KDM7A: variants seen among roughly 807,000 people sequenced by gnomAD.
The protein encoded by KDM7A is lysine-specific demethylase 7A.
Under a neutral mutation model 114.8 loss-of-function variants are expected in KDM7A, and 28 were observed. The ratio of observed to expected loss-of-function variants is 0.24; its 90% CI spans 0.18 to 0.33. The LOEUF (loss-of-function observed/expected upper bound fraction) is 0.33, where lower values mean the gene tolerates loss of function less well. Among genes scored for constraint, KDM7A ranks in the 10% least tolerant of loss-of-function variants. KDM7A has a pLI of 1.00. For synonymous variants in KDM7A, 423 were observed against 397.8 expected, an observed-to-expected ratio of 1.06 and a Z score of -0.75; for missense variants, 942 against 1,142.5, an observed-to-expected ratio of 0.82 and a Z score of 2.53.
intron 11 of KDM7A, among the ~76,000 whole-genome samples, chr7:140,109,453 A>G (rs1048936073): frequency 1.2e-4 from 18 of 152,206 alleles, no homozygotes; most frequent in Non-Finnish European, 2.6e-4. Context: ...CACTGTGAGT[A>G]TGTCCCACAC....
At chr7:140,149,185 T>C (rs1287532300) in intron 1 of KDM7A, among the ~76,000 whole-genome samples, 1 of 152,208 alleles carries the variant, frequency 6.6e-6, no homozygotes, top group Non-Finnish European at 1.5e-5. Flanking sequence ...AGCCAAGATG[T>C]GCACTCAGTG....
At chr7:140,116,656 G>A (rs987225392) in intron 9 of KDM7A, among the ~76,000 whole-genome samples, 1 of 152,120 alleles carries the variant, frequency 6.6e-6, no homozygotes, top group African/African-American at 2.4e-5. Context: ...GTGTGTGTAT[G>A]CAGTGCGTGT....
At position 140,088,176 on chromosome 7, in the gene KDM7A, T is replaced by C. The variant is rs554149679; in HGVS notation, c.*2918A>G. 128 of 225,300 alleles carry C rather than the reference T, an allele frequency of 5.7e-4. No homozygotes were observed. Among genetic ancestry groups the C allele is most frequent in the Non-Finnish European group, 9.2e-4 (107 of 116,650 alleles). The allele number at this position is 225,300 out of a possible 1,614,324, so 14.0% of individuals were successfully genotyped here. A position where few individuals can be genotyped will look rare whatever the true frequency, so the allele number is the denominator to read the frequency against. On this transcript the variant is annotated 3_prime_UTR_variant, in exon 20 of 20. Transcript: ENST00000397560. ...TTCAGTCAGAATCTTCAATTCTGTA[T>C]GCTTAAAAATGAACTGATACTTATG... is the stretch of plus-strand genomic sequence containing the variant.
chr7:140,122,797 C>T (rs1391402689), intron 7 of KDM7A, among the ~76,000 whole-genome samples: 1 of 152,198 alleles, frequency 6.6e-6, no homozygotes, highest in Non-Finnish European at 1.5e-5. Context: ...TCCTAACTGT[C>T]CTGGGACAGC....
chr7:140,131,809 CA>C (rs1818791309), intron 3 of KDM7A, among the ~76,000 whole-genome samples: 1 of 152,160 alleles, frequency 6.6e-6, no homozygotes, highest in African/African-American at 2.4e-5. Context: ...AATATAGGTA[CA>C]TTTTTTGCAA....
intron 8 of KDM7A, 49 bp downstream of exon 8, chr7:140,120,393 C>A: frequency 2.8e-6 from 3 of 1,067,642 alleles, no homozygotes; most frequent in South Asian, 2.7e-5. Flanking sequence ...AAAAAAGTAT[C>A]CTATTTTTAA....
chr7:140,108,314 C>T (rs1006122850), intron 11 of KDM7A, among the ~76,000 whole-genome samples: 13 of 152,148 alleles, frequency 8.5e-5, no homozygotes, highest in African/African-American at 1.7e-4. Flanking sequence ...AGCTTCGTTC[C>T]GTTGCTGACG....
chr7:140,166,856 A>G (rs1158225448), intron 1 of KDM7A, among the ~76,000 whole-genome samples: 1 of 152,238 alleles, frequency 6.6e-6, no homozygotes, highest in African/African-American at 2.4e-5. Context: ...CTCTATTTGT[A>G]TATTACATAT....
At chr7:140,100,711 C>CACATATAT (rs1562946051) in intron 12 of KDM7A, among the ~76,000 whole-genome samples, 1 of 56,980 alleles carries the variant, frequency 1.8e-5, no homozygotes. Context: ...TATATATACA[C>CACATATAT]ATATATATAT....
At chr7:140,097,688 A>G (rs1818139080) in intron 14 of KDM7A, 46 bp from the exon 15 acceptor site, 2 of 1,105,872 alleles carry the variant, frequency 1.8e-6, no homozygotes, top group Non-Finnish European at 2.8e-6. Flanking sequence ...TCATTTGACT[A>G]CGATGAACAA....
At chr7:140,123,807 C>A (rs573485872) in intron 7 of KDM7A, among the ~76,000 whole-genome samples, 3 of 152,068 alleles carry the variant, frequency 2.0e-5, no homozygotes, top group Non-Finnish European at 2.9e-5. Context: ...GCCGGCCGGG[C>A]GTGGAGGCTC....
chr7:140,093,979 A>G (rs1365127239), intron 18 of KDM7A, 77 bp downstream of exon 18: 2 of 883,896 alleles, frequency 2.3e-6, no homozygotes, highest in Non-Finnish European at 3.8e-6. Flanking sequence ...TGGTTGTTAC[A>G]GTTTTAAAAA....
chr7:140,115,243 TC>T (rs1187496905), intron 9 of KDM7A, among the ~76,000 whole-genome samples: 1 of 151,622 alleles, frequency 6.6e-6, no homozygotes, highest in African/African-American at 2.4e-5. Flanking sequence ...GGCCGCCCCT[TC>T]TGGGAAGTGA....
intron 18 of KDM7A, 51 bp from the exon 19 acceptor site, chr7:140,092,128 T>C (rs1818030473): frequency 6.4e-7 from 1 of 1,554,478 alleles, no homozygotes; most frequent in Admixed American, 1.7e-5. Flanking sequence ...TTAAATGAGG[T>C]ATTTAAGCTC....
At chr7:140,174,562 T>C (rs1794680409) in intron 1 of KDM7A, among the ~76,000 whole-genome samples, 1 of 152,238 alleles carries the variant, frequency 6.6e-6, no homozygotes, top group Admixed American at 6.5e-5. Context: ...GTCTAAAATT[T>C]GGTAGCCTAT....
At chr7:140,133,514 C>A (rs1818823132) in intron 3 of KDM7A, 25 bp downstream of exon 3, 2 of 1,277,552 alleles carry the variant, frequency 1.6e-6, no homozygotes, top group African/African-American at 1.5e-5. Context: ...CTTACATTTT[C>A]TTTTATCAGA....
rs1817921903 is a variant in KDM7A at position 140,086,265 on chromosome 7, G to GT, written c.*4828dup. On this transcript the variant is annotated 3_prime_UTR_variant, in exon 20 of 20. Transcript: ENST00000397560. ...GAATCACTGAATACAGTTTCGAAAG[G>GT]TTTTAACAACAAAATGTAATGTTAT... is the stretch of plus-strand genomic sequence containing the variant. 1.3e-5 allele frequency: 2 copies of GT among 152,154 alleles called. No individual in the cohort carries two copies. The highest frequency in any genetic ancestry group is 2.9e-5 in the Non-Finnish European group (2 of 68,032). 9.4% of individuals were successfully genotyped at this position (152,154 alleles called of 1,614,324 possible).
intron 1 of KDM7A, among the ~76,000 whole-genome samples, chr7:140,163,447 G>C (rs1444279094): frequency 6.6e-6 from 1 of 151,884 alleles, no homozygotes; most frequent in Non-Finnish European, 1.5e-5. Flanking sequence ...ACCACACCCA[G>C]CTAATTTATT....
intron 2 of KDM7A, among the ~76,000 whole-genome samples, chr7:140,137,960 A>G (rs943791033): frequency 7.1e-6 from 1 of 140,464 alleles, no homozygotes; most frequent in Non-Finnish European, 1.6e-5. Flanking sequence ...TTTTAAAATG[A>G]CAAAGCCTAT....
Sources: gnomAD v4.1 joint callset for allele counts (sites outside exome capture counted in the v4.1 genomes callset) on GRCh38, gnomAD v4.1.1 for gene constraint, MANE v1.5 for transcripts, NCBI Gene and HGNC (gene_info 2026-07-23, HGNC 2026-07-21) for gene names.